The following LUZP2 variants were observed in gnomAD, a reference collection of about 807,000 sequenced individuals.
The protein encoded by LUZP2 is leucine zipper protein 2.
A neutral mutation model predicts 51.6 loss-of-function variants in LUZP2; 52 were observed. The observed-to-expected ratio is 1.01, with a 90% confidence interval of 0.81 to 1.27. The LOEUF (loss-of-function observed/expected upper bound fraction) is 1.27, where lower values mean the gene tolerates loss of function less well. Among genes scored for constraint, LUZP2 ranks in the 50% most tolerant of loss-of-function variants. The pLI is 0.00. For missense variants in LUZP2, 436 were observed against 395.4 expected (o/e 1.10, Z -0.87); for synonymous variants, 154 against 137.3 (o/e 1.12, Z -0.85).
At chr11:24,545,049 C>G (rs1181488291) in intron 1 of LUZP2, among the ~76,000 whole-genome samples, 2 of 151,826 alleles carry the variant, frequency 1.3e-5, no homozygotes, top group African/African-American at 2.4e-5. Context: ...TGATGTTGAA[C>G]TTTTTAATGT....
chr11:24,587,814 T>G (rs1425349809), intron 1 of LUZP2, among the ~76,000 whole-genome samples: 1 of 152,074 alleles, frequency 6.6e-6, no homozygotes, highest in Non-Finnish European at 1.5e-5. Context: ...TATATGTGTT[T>G]AAGGCAAACA....
intron 5 of LUZP2, among the ~76,000 whole-genome samples, chr11:24,888,428 G>C (rs996254632): frequency 2.6e-5 from 4 of 151,576 alleles, no homozygotes; most frequent in Non-Finnish European, 4.4e-5. Flanking sequence ...TTTTGGATTT[G>C]AGCTAATGTG....
intron 5 of LUZP2, among the ~76,000 whole-genome samples, chr11:24,781,715 G>C (rs376323307): frequency 1.3e-5 from 2 of 151,806 alleles, no homozygotes; most frequent in African/African-American, 4.8e-5. Flanking sequence ...TAGAAAGGAA[G>C]TTTTTTTTAA....
intron 5 of LUZP2, chr11:24,785,726 G>A (rs2134083735): frequency 3.8e-6 from 1 of 265,210 alleles, no homozygotes; most frequent in Non-Finnish European, 5.8e-6. Flanking sequence ...TACAATTATG[G>A]CTAGGATGCT....
rs896570926 is a variant in LUZP2 at position 24,971,641 on chromosome 11, TA to T, written c.523-4941del. On this transcript the variant is annotated intron_variant, in intron 7 of 11. Coordinates refer to ENST00000336930, the MANE Select transcript of LUZP2 (RefSeq NM_001009909.4). Reference sequence around the variant, plus strand: ...CGCCCTGTATCTAAAATAGAAGTTTTAAAAAAAAATTATAAAAAATAATTAT... The same window carrying T: ...CGCCCTGTATCTAAAATAGAAGTTTTAAAAAAAATTATAAAAAATAATTAT... Among the ~76,000 whole-genome samples the T allele has an allele frequency of 3.3e-3, 507 of 151,806 alleles. 2 individuals are homozygous for T. The highest frequency in any genetic ancestry group is 0.011 in the African/African-American group (455 of 41,440).
intron 10 of LUZP2, among the ~76,000 whole-genome samples, chr11:25,069,867 T>A (rs555591154): frequency 6.6e-6 from 1 of 152,010 alleles, no homozygotes; most frequent in East Asian, 1.9e-4. Context: ...GGAACTCTTA[T>A]GTGAAACATC....
intron 5 of LUZP2, among the ~76,000 whole-genome samples, chr11:24,841,309 T>A (rs1438742920): frequency 6.6e-6 from 1 of 152,200 alleles, no homozygotes; most frequent in African/African-American, 2.4e-5. Context: ...AAAAGATTGG[T>A]TCTTTCTAGA....
intron 1 of LUZP2, among the ~76,000 whole-genome samples, chr11:24,502,949 T>C (rs183653750): frequency 6.6e-6 from 1 of 152,358 alleles, no homozygotes; most frequent in African/African-American, 2.4e-5. Flanking sequence ...TACTTCTTCA[T>C]TGATTTCATC....
Position 25,056,918 on chromosome 11 carries a change from G to T in LUZP2, c.858+6788G>T, listed in dbSNP as rs891120057. 3.7e-4 allele frequency among the ~76,000 whole-genome samples: 56 copies of T among 152,158 alleles called. 1 individual carries two copies. The highest frequency in any genetic ancestry group is 5.9e-4 in the Admixed American group (9 of 15,278). On this transcript the variant is annotated intron_variant, in intron 10 of 11. Coordinates refer to ENST00000336930, the MANE Select transcript of LUZP2 (RefSeq NM_001009909.4). ...GATCGAGACCATCCTGGCTAACATG[G>T]TGAAACCCCATCTCTACTAAAAATA...
chr11:24,651,987 C>CTGTGTGTTTGTGTGTA (rs1465950879), intron 1 of LUZP2, among the ~76,000 whole-genome samples: 1 of 151,850 alleles, frequency 6.6e-6, no homozygotes, highest in African/African-American at 2.4e-5. Flanking sequence ...CTCTATCTCT[C>CTGTGTGTTTGTGTGTA]TGTGTGTTTG....
At chr11:25,014,890 C>T (rs1192099576) in intron 9 of LUZP2, among the ~76,000 whole-genome samples, 1 of 152,032 alleles carries the variant, frequency 6.6e-6, no homozygotes, top group African/African-American at 2.4e-5. Flanking sequence ...TTAAGTCTAA[C>T]ATTTAAGTCT....
chr11:24,917,592 A>C (rs865848898), intron 7 of LUZP2, among the ~76,000 whole-genome samples: 13 of 152,120 alleles, frequency 8.5e-5, no homozygotes, highest in Admixed American at 3.3e-4. Flanking sequence ...TAAATAGGGA[A>C]TCTTTTCCCC....
intron 5 of LUZP2, among the ~76,000 whole-genome samples, chr11:24,897,672 A>C (rs527566298): frequency 3.3e-5 from 5 of 152,304 alleles, no homozygotes; most frequent in Non-Finnish European, 5.9e-5. Flanking sequence ...TGTAACACTC[A>C]CTGTGAGCGA....
At chr11:25,007,610 C>A (rs199939986) in intron 9 of LUZP2, among the ~76,000 whole-genome samples, 1 of 61,732 alleles carries the variant, frequency 1.6e-5, no homozygotes, top group Non-Finnish European at 5.3e-5. Context: ...CTCAAGAAAA[C>A]AAAACAAAAC....
At position 25,081,029 on chromosome 11, in the gene LUZP2, A is replaced by ATTTTTTTTTTTTTT. The variant is rs553696425; in HGVS notation, c.*2379_*2392dup. The ATTTTTTTTTTTTTT allele has an allele frequency of 9.9e-6, 1 of 100,706 alleles. No homozygotes were observed. Among genetic ancestry groups the ATTTTTTTTTTTTTT allele is most frequent in the African/African-American group, 3.8e-5 (1 of 26,512 alleles). 6.2% of individuals were successfully genotyped at this position (100,706 alleles called of 1,614,324 possible). ...ATCAAGTGGGCTTTGGATCCATATG[A>ATTTTTTTTTTTTTT]TTTTTTTTTTTTTTTTTTTTTGAGA... On this transcript the variant is annotated 3_prime_UTR_variant, in exon 12 of 12. Coordinates refer to ENST00000336930, the MANE Select transcript of LUZP2 (RefSeq NM_001009909.4).
chr11:24,569,706 G>T (rs1356896965), intron 1 of LUZP2, among the ~76,000 whole-genome samples: 1 of 145,200 alleles, frequency 6.9e-6, no homozygotes, highest in Non-Finnish European at 1.5e-5. Flanking sequence ...CCTATTAATT[G>T]CATACATATG....
At chr11:24,635,173 T>C (rs1040152801) in intron 1 of LUZP2, among the ~76,000 whole-genome samples, 3 of 149,996 alleles carry the variant, frequency 2.0e-5, no homozygotes, top group African/African-American at 7.3e-5. Flanking sequence ...TTGTACCCTT[T>C]AAATAAATAC....
At chr11:25,001,849 C>T (rs772619832) in intron 9 of LUZP2, among the ~76,000 whole-genome samples, 5 of 151,936 alleles carry the variant, frequency 3.3e-5, no homozygotes, top group African/African-American at 1.2e-4. Flanking sequence ...TTCTTCCTCT[C>T]TCTCTCTGAC....
At chr11:24,873,686 A>G (rs1402278887) in intron 5 of LUZP2, among the ~76,000 whole-genome samples, 1 of 151,976 alleles carries the variant, frequency 6.6e-6, no homozygotes, top group Non-Finnish European at 1.5e-5. Flanking sequence ...ACTCCTTATT[A>G]TTTGGGAGAC....
Sources: gnomAD v4.1 joint callset for allele counts (sites outside exome capture counted in the v4.1 genomes callset) on GRCh38, gnomAD v4.1.1 for gene constraint, MANE v1.5 for transcripts, NCBI Gene and HGNC (gene_info 2026-07-23, HGNC 2026-07-21) for gene names.